The following RPS6KA2 variants were observed in gnomAD, a reference collection of about 807,000 sequenced individuals.
RPS6KA2 encodes ribosomal protein S6 kinase A2.
RPS6KA2 carries 42 observed loss-of-function variants against 91.8 expected under a neutral mutation model. That is an observed-to-expected ratio of 0.46 (90% CI 0.36 to 0.59). RPS6KA2 has a LOEUF of 0.59. Ranked by LOEUF, RPS6KA2 falls within the 20% of genes least tolerant of loss-of-function variation. The pLI is 0.00. For missense variants in RPS6KA2, 798 were observed against 978.5 expected (o/e 0.82, Z 2.46); for synonymous variants, 414 against 393.6 (o/e 1.05, Z -0.61).
intron 5 of RPS6KA2, among the ~76,000 whole-genome samples, chr6:166,505,907 C>T (rs1234340882): frequency 2.0e-5 from 3 of 152,244 alleles, no homozygotes; most frequent in African/African-American, 4.8e-5. Context: ...CCACACGTGG[C>T]CCACCATGGG....
intron 2 of RPS6KA2, among the ~76,000 whole-genome samples, chr6:166,677,450 C>T (rs944436588): frequency 6.6e-5 from 10 of 151,884 alleles, no homozygotes; most frequent in African/African-American, 2.2e-4. Context: ...CAACCTCCTC[C>T]TCCAGGCTCA....
At chr6:166,801,791 C>T (rs1213032986) in intron 2 of RPS6KA2, among the ~76,000 whole-genome samples, 2 of 152,124 alleles carry the variant, frequency 1.3e-5, no homozygotes, top group Non-Finnish European at 2.9e-5. Context: ...GACTGCAAAA[C>T]TTCATATTTT....
At chr6:166,775,031 C>G (rs1320270860) in intron 2 of RPS6KA2, among the ~76,000 whole-genome samples, 1 of 152,100 alleles carries the variant, frequency 6.6e-6, no homozygotes, top group African/African-American at 2.4e-5. Context: ...CCAGCCTGCA[C>G]CTGCGCTCAG....
At chr6:166,607,684 C>T (rs1032691221) in intron 1 of RPS6KA2, among the ~76,000 whole-genome samples, 1 of 152,158 alleles carries the variant, frequency 6.6e-6, no homozygotes, top group African/African-American at 2.4e-5. Flanking sequence ...GTAACAGTTG[C>T]ACAACCTTGT....
rs1471817888 is a variant in RPS6KA2 at position 166,733,843 on chromosome 6, A to G, written c.123+124357T>C. 1.3e-5 allele frequency among the ~76,000 whole-genome samples: 2 copies of G among 152,246 alleles called. No homozygotes were observed. The highest frequency in any genetic ancestry group is 2.4e-5 in the African/African-American group (1 of 41,456). On this transcript the variant is annotated intron_variant, in intron 2 of 21. Coordinates refer to the RPS6KA2 transcript ENST00000503859. The surrounding 1 kb of genome is among the most constrained non-coding windows in gnomAD (Gnocchi z 4.1). ...TTTTTCTGTTTATAAAGCGGATATG[A>G]GCAGGTTTACAGGCTGAACAGAGTA...
chr6:166,701,474 T>C, intron 2 of RPS6KA2: 2 of 1,164,980 alleles, frequency 1.7e-6, no homozygotes, highest in Middle Eastern at 2.6e-4. Flanking sequence ...ATCATCACCA[T>C]CCTCACCTTA....
intron 2 of RPS6KA2, among the ~76,000 whole-genome samples, chr6:166,773,656 T>A (rs1390216843): frequency 6.6e-6 from 1 of 152,214 alleles, no homozygotes; most frequent in Non-Finnish European, 1.5e-5. Context: ...TGCTTTGGCC[T>A]CCCGAAACAC....
chr6:166,537,663 C>T (rs965252869), intron 2 of RPS6KA2, among the ~76,000 whole-genome samples: 3 of 152,246 alleles, frequency 2.0e-5, no homozygotes, highest in African/African-American at 7.2e-5. Flanking sequence ...TCATTCTACA[C>T]TTAAATTAAC....
intron 6 of RPS6KA2, among the ~76,000 whole-genome samples, chr6:166,503,393 A>G (rs1782088337): frequency 6.6e-6 from 1 of 152,176 alleles, no homozygotes; most frequent in Non-Finnish European, 1.5e-5. Context: ...ATCTAACAAC[A>G]CCAGCTTCGG....
chr6:166,462,688 C>A (rs1562510587), intron 11 of RPS6KA2, among the ~76,000 whole-genome samples: 1 of 152,314 alleles, frequency 6.6e-6, no homozygotes, highest in East Asian at 1.9e-4. Context: ...AGTCCCGTAG[C>A]ACTTTTGTAC....
chr6:166,454,464 C>T (rs942709352), intron 12 of RPS6KA2, among the ~76,000 whole-genome samples: 2 of 152,142 alleles, frequency 1.3e-5, no homozygotes, highest in Non-Finnish European at 2.9e-5. Flanking sequence ...CACCACTGCA[C>T]TCTAGCCTGG....
At chr6:166,503,026 A>G (rs1782078207) in intron 6 of RPS6KA2, among the ~76,000 whole-genome samples, 1 of 152,240 alleles carries the variant, frequency 6.6e-6, no homozygotes, top group Non-Finnish European at 1.5e-5. Flanking sequence ...AAATTCATTT[A>G]TGTTTCATAT....
At chr6:166,712,855 G>A (rs908349898) in intron 2 of RPS6KA2, among the ~76,000 whole-genome samples, 8 of 152,328 alleles carry the variant, frequency 5.3e-5, no homozygotes, top group South Asian at 4.1e-4. Context: ...CGTCTATCCC[G>A]AGCTTTCTCT....
At chr6:166,503,090 G>A (rs897244858) in intron 6 of RPS6KA2, among the ~76,000 whole-genome samples, 11 of 152,166 alleles carry the variant, frequency 7.2e-5, no homozygotes, top group African/African-American at 2.7e-4. Context: ...AAATAATTTT[G>A]TGTATGAAAC....
At chr6:166,637,465 G>A (rs899644849) in intron 2 of RPS6KA2, among the ~76,000 whole-genome samples, 1 of 152,234 alleles carries the variant, frequency 6.6e-6, no homozygotes, top group Non-Finnish European at 1.5e-5. Flanking sequence ...GAGGAACAAT[G>A]AGCAGGTGCC....
intron 10 of RPS6KA2, among the ~76,000 whole-genome samples, chr6:166,477,514 TC>T (rs1219647650): frequency 6.6e-6 from 1 of 152,244 alleles, no homozygotes; most frequent in Non-Finnish European, 1.5e-5. Context: ...TATTTGCTTC[TC>T]CCAGAACAAG....
rs1487564280 is a variant in RPS6KA2 at position 166,648,765 on chromosome 6, T to C, written c.124-109981A>G. 1.3e-5 allele frequency among the ~76,000 whole-genome samples: 2 copies of C among 152,154 alleles called. No individual in the cohort carries two copies. Among genetic ancestry groups the C allele is most frequent in the African/African-American group, 2.4e-5 (1 of 41,430 alleles). On this transcript the variant is annotated intron_variant, in intron 2 of 21. Transcript: ENST00000503859. The surrounding 1 kb of genome is among the most constrained non-coding windows in gnomAD (Gnocchi z 4.8). ...GCGTCTGCATCTCGTCCTGAGGTCC[T>C]GAACTTTGGGATGGCACCGACCATC...
intron 1 of RPS6KA2, among the ~76,000 whole-genome samples, chr6:166,619,021 C>T (rs181626305): frequency 2.0e-5 from 3 of 149,190 alleles, no homozygotes; most frequent in African/African-American, 2.5e-5. Flanking sequence ...ATTCGCGCAC[C>T]AGCCCTGTGC....
At chr6:166,430,348 A>T in intron 16 of RPS6KA2, 105 bp downstream of exon 16, 1 of 1,030,534 alleles carries the variant, frequency 9.7e-7, no homozygotes, top group Non-Finnish European at 1.4e-6. Context: ...AAGGAATTCC[A>T]GGACAATCCG....
Sources: allele counts gnomAD v4.1 joint callset (sites outside exome capture counted in the v4.1 genomes callset), GRCh38; gene constraint gnomAD v4.1.1; non-coding constraint Gnocchi (gnomAD v3.1); transcripts MANE v1.5; gene names NCBI Gene and HGNC (gene_info 2026-07-23, HGNC 2026-07-21).